Variants in TRIM37 observed in about 807,000 individuals in gnomAD.
TRIM37 encodes the protein E3 ubiquitin-protein ligase TRIM37.
A neutral mutation model predicts 129.8 loss-of-function variants in TRIM37; 80 were observed. That is an observed-to-expected ratio of 0.62 (90% CI 0.51 to 0.74). The LOEUF is 0.74. TRIM37 is among the 30% of genes least tolerant of loss of function. TRIM37 has a pLI of 0.00. For missense variants in TRIM37, 1,054 were observed against 1,176.5 expected (o/e 0.90, Z 1.52); for synonymous variants, 389 against 387.1 (o/e 1.00, Z -0.06).
At position 59,080,085 on chromosome 17, in the gene TRIM37, C is replaced by T. The variant is rs549253877; in HGVS notation, c.493-208G>A. On this transcript the variant is annotated intron_variant, in intron 6 of 23. Transcript: ENST00000262294. ...GCATAAAGAATGTTATAAATGATCA[C>T]TTGGTTCTTGATTCCTAAAGAGGTA... Among the ~76,000 whole-genome samples, 5 of 152,270 alleles carry T rather than the reference C, an allele frequency of 3.3e-5. No homozygotes were observed. In the East Asian group the frequency reaches 9.6e-4, roughly 29 times the overall value.
intron 12 of TRIM37, among the ~76,000 whole-genome samples, chr17:59,058,634 G>C (rs190563597): frequency 3.9e-5 from 6 of 152,328 alleles, no homozygotes; most frequent in Non-Finnish European, 7.4e-5. Flanking sequence ...GAGGTGGGCA[G>C]ATCGCCTGAG....
At position 59,030,077 on chromosome 17, in the gene TRIM37, T is replaced by C. The variant is rs1442802261; in HGVS notation, c.1949-1354A>G. 4.6e-5 allele frequency among the ~76,000 whole-genome samples: 7 copies of C among 152,292 alleles called. No individual in the cohort carries two copies. The East Asian group carries it at 1.2e-3, about 25-fold the overall frequency. On this transcript the variant is annotated intron_variant, in intron 18 of 23. Coordinates refer to ENST00000262294, the MANE Select transcript of TRIM37 (RefSeq NM_015294.6). ...CACACCCTTGGTTTTAATTATCCAG[T>C]ATCACCTCCAGAAAAATAACTGTCT...
the TRIM37 span, among the ~76,000 whole-genome samples, chr17:58,976,601 A>G: frequency 8.6e-3 from 1,307 of 152,338 alleles, 19 homozygotes; most frequent in African/African-American, 0.029. Flanking sequence ...GAGGCATGAT[A>G]TGTTTCCTAA....
chr17:58,994,198 C>T (rs2032742573), downstream of TRIM37, among the ~76,000 whole-genome samples: 1 of 152,108 alleles, frequency 6.6e-6, no homozygotes. Context: ...AATATAGACT[C>T]ACAGTCATAG....
rs761644340 is a variant in TRIM37 at position 59,047,667 on chromosome 17, A to G, written c.1667+16T>C. On this transcript the variant is annotated intron_variant, in intron 16 of 23. Coordinates refer to ENST00000262294, the MANE Select transcript of TRIM37 (RefSeq NM_015294.6). ...TACCACTTAAATGCTTTACAGTAGT[A>G]AAGTGGGAAACTCACATAGTTTCTT... is the stretch of plus-strand genomic sequence containing the variant. 2.5e-6 allele frequency: 4 copies of G among 1,610,454 alleles called. No homozygotes were observed. The highest frequency in any genetic ancestry group is 2.7e-5 in the African/African-American group (2 of 74,922).
intron 16 of TRIM37, among the ~76,000 whole-genome samples, chr17:59,043,329 T>A (rs1432762905): frequency 1.3e-5 from 2 of 152,054 alleles, no homozygotes; most frequent in African/African-American, 4.8e-5. Flanking sequence ...ACTTAACGAC[T>A]CTGGAAATGG....
At chr17:58,969,824 G>A in the TRIM37 span, 2 of 1,154,466 alleles carry the variant, frequency 1.7e-6, no homozygotes, top group South Asian at 3.0e-5. Context: ...CTCTTTCTGG[G>A]CAGACATTAT....
chr17:59,046,936 T>C (rs1425269633), intron 16 of TRIM37, among the ~76,000 whole-genome samples: 2 of 149,088 alleles, frequency 1.3e-5, no homozygotes, highest in African/African-American at 2.5e-5. Context: ...GGACGGATCA[T>C]GAGGTCAGGA....
intron 1 of TRIM37, among the ~76,000 whole-genome samples, chr17:59,104,890 G>A (rs1257906924): frequency 3.3e-5 from 5 of 151,964 alleles, no homozygotes; most frequent in Non-Finnish European, 5.9e-5. Context: ...TCGGGAGTTC[G>A]AGACCAACCT....
the TRIM37 span, among the ~76,000 whole-genome samples, chr17:58,975,428 G>C: frequency 6.6e-6 from 1 of 152,142 alleles, no homozygotes; most frequent in Non-Finnish European, 1.5e-5. Context: ...CCTGAGCCCA[G>C]GATTTTGAGA....
intron 2 of TRIM37, among the ~76,000 whole-genome samples, chr17:59,091,621 GTATAATAATGTATAA>G (rs1463232590): frequency 7.7e-6 from 1 of 129,898 alleles, no homozygotes; most frequent in African/African-American, 2.9e-5. Context: ...TATATATAAT[GTATAATAATGTATAA>G]TATATTATAT....
intron 3 of TRIM37, among the ~76,000 whole-genome samples, chr17:59,090,487 C>G (rs2147266855): frequency 6.6e-6 from 1 of 152,292 alleles, no homozygotes; most frequent in African/African-American, 2.4e-5. Flanking sequence ...CCAAACCCAA[C>G]AATTTCTTCT....
At chr17:59,094,412 T>C (rs201250773) in intron 2 of TRIM37, among the ~76,000 whole-genome samples, 1 of 152,134 alleles carries the variant, frequency 6.6e-6, no homozygotes, top group Non-Finnish European at 1.5e-5. Flanking sequence ...TTCATTAAAC[T>C]GGAAGAATCA....
chr17:58,999,036 C>T lies in TRIM37; in HGVS notation c.*341G>A. ...CCAATGCCGGGCGGGTTACTGACGG[C>T]ATGCAGGGCCTGGAGGTACATTTTC... is the stretch of plus-strand genomic sequence containing the variant. On this transcript the variant is annotated 3_prime_UTR_variant, in exon 24 of 24. Coordinates refer to ENST00000262294, the MANE Select transcript of TRIM37 (RefSeq NM_015294.6). The T allele has an allele frequency of 1.8e-6, 2 of 1,132,438 alleles. No individual in the cohort carries two copies. The highest frequency in any genetic ancestry group is 2.2e-6 in the Non-Finnish European group (2 of 917,884). 70.1% of individuals were successfully genotyped at this position (1,132,438 alleles called of 1,614,324 possible).
At chr17:59,031,111 T>C (rs1173679020) in intron 18 of TRIM37, among the ~76,000 whole-genome samples, 2 of 152,216 alleles carry the variant, frequency 1.3e-5, no homozygotes, top group Non-Finnish European at 2.9e-5. Context: ...AAGAGCTCTA[T>C]TTCTCTGTTA....
chr17:58,993,635 G>A (rs140311347), downstream of TRIM37, among the ~76,000 whole-genome samples: 1 of 152,202 alleles, frequency 6.6e-6, no homozygotes, highest in Non-Finnish European at 1.5e-5. Flanking sequence ...CTGTGGGGAA[G>A]GGGGGTGGTT....
At chr17:59,100,293 C>T (rs142525248) in intron 2 of TRIM37, among the ~76,000 whole-genome samples, 4 of 152,300 alleles carry the variant, frequency 2.6e-5, no homozygotes, top group Middle Eastern at 3.4e-3. Context: ...GCTTCTTGTA[C>T]ACGAATGTTC....
Position 59,047,668 on chromosome 17 carries a change from A to C in TRIM37, c.1667+15T>G. The C allele has an allele frequency of 6.2e-7, 1 of 1,610,896 alleles. No homozygotes were observed. Among genetic ancestry groups the C allele is most frequent in the East Asian group, 2.2e-5 (1 of 44,862 alleles). On this transcript the variant is annotated intron_variant, in intron 16 of 23. Transcript: ENST00000262294. ...ACCACTTAAATGCTTTACAGTAGTAAAGTGGGAAACTCACATAGTTTCTTC... is the reference window on the plus strand; with the variant it reads ...ACCACTTAAATGCTTTACAGTAGTACAGTGGGAAACTCACATAGTTTCTTC...
chr17:59,051,415 T>C (rs2040334452), intron 13 of TRIM37, 87 bp from the exon 14 acceptor site: 4 of 944,414 alleles, frequency 4.2e-6, no homozygotes, highest in South Asian at 2.7e-5. Flanking sequence ...TTGGGTTAAC[T>C]TGATTATAAG....
Sources: allele counts gnomAD v4.1 joint callset (sites outside exome capture counted in the v4.1 genomes callset), GRCh38; gene constraint gnomAD v4.1.1; transcripts MANE v1.5; gene names NCBI Gene and HGNC (gene_info 2026-07-23, HGNC 2026-07-21).